Variants in CAPN8 observed in about 807,000 individuals in gnomAD.
The protein encoded by CAPN8 is calpain 8.
CAPN8 carries 87 observed loss-of-function variants against 80.9 expected under a neutral mutation model. The observed-to-expected ratio is 1.07, with a 90% CI of 0.90 to 1.28. CAPN8 has a LOEUF of 1.28. CAPN8 is among the 50% of genes most tolerant of loss of function. CAPN8 has a pLI of 0.00. For synonymous variants in CAPN8, 299 were observed against 273.8 expected, an observed-to-expected ratio of 1.09 and a Z score of -0.91; for missense variants, 757 against 702.0, an observed-to-expected ratio of 1.08 and a Z score of -0.89.
intron 2 of CAPN8, among the ~76,000 whole-genome samples, chr1:223,631,030 C>T (rs1225245461): frequency 1.3e-5 from 2 of 152,204 alleles, no homozygotes; most frequent in East Asian, 3.8e-4. Flanking sequence ...CAACACCCTT[C>T]ACAATATGAC....
intron 1 of CAPN8, among the ~76,000 whole-genome samples, chr1:223,662,071 G>C (rs1658660746): frequency 6.6e-6 from 1 of 152,140 alleles, no homozygotes; most frequent in Admixed American, 6.5e-5. Context: ...GTCACAAAAG[G>C]ACAAATACTG....
intron 9 of CAPN8, 107 bp from the exon 10 acceptor site, chr1:223,616,252 C>A (rs889141325): frequency 9.5e-6 from 12 of 1,257,122 alleles, no homozygotes; most frequent in African/African-American, 9.1e-5. Flanking sequence ...TGCACAGCTC[C>A]ATCCAAACTG....
intron 19 of CAPN8, among the ~76,000 whole-genome samples, chr1:223,543,379 C>T (rs114959357): frequency 0.017 from 2,616 of 152,152 alleles, 60 homozygotes; most frequent in African/African-American, 0.059. Context: ...GCCCCCCTGC[C>T]GAAACAGACA....
chr1:223,614,340 C>A (rs1259665149), intron 10 of CAPN8, among the ~76,000 whole-genome samples: 1 of 150,288 alleles, frequency 6.7e-6, no homozygotes, highest in African/African-American at 2.5e-5. Context: ...ACGGAGGTTG[C>A]AGTGAGCCGA....
At chr1:223,618,922 G>T (rs969119157) in intron 9 of CAPN8, among the ~76,000 whole-genome samples, 16 of 152,340 alleles carry the variant, frequency 1.1e-4, no homozygotes, top group Middle Eastern at 3.4e-3. Context: ...GGGCACGGTG[G>T]CTCACAACTG....
At chr1:223,642,746 C>T in intron 2 of CAPN8, 1 of 449,360 alleles carries the variant, frequency 2.2e-6, no homozygotes, top group Non-Finnish European at 4.4e-6. Context: ...GCAAACTCTT[C>T]ACAGCTGAAG....
In CAPN8 at chr1:223,622,811, C is replaced by T. The variant is rs1170619086; in HGVS notation, c.899+4G>A. ...GACTGGAGAAGCGGGGGAAAAAAAC[C>T]TACTCATCGCTCCAGGCTCCCGACC... On this transcript the variant is annotated splice_donor_region_variant and intron_variant, in intron 7 of 20. Coordinates refer to ENST00000366872, the MANE Select transcript of CAPN8 (RefSeq NM_001143962.2). 4 of 1,551,282 alleles carry T rather than the reference C, an allele frequency of 2.6e-6. No homozygotes were observed. The South Asian group carries it at 4.8e-5, about 18-fold the overall frequency.
intron 16 of CAPN8, among the ~76,000 whole-genome samples, chr1:223,547,170 C>A (rs923235742): frequency 2.0e-5 from 3 of 152,142 alleles, no homozygotes; most frequent in African/African-American, 7.2e-5. Flanking sequence ...CCAGTGCCAC[C>A]CAAAGTGCTG....
At chr1:223,656,679 TTG>T (rs61587922) in intron 1 of CAPN8, among the ~76,000 whole-genome samples, 38,236 of 103,744 alleles carry the variant, frequency 0.37, 7,135 homozygotes, top group East Asian at 0.57. Context: ...TTTTTTTGTT[TTG>T]TTTTTTTTTT....
intron 2 of CAPN8, among the ~76,000 whole-genome samples, chr1:223,635,490 G>C (rs1240119340): frequency 6.6e-6 from 1 of 152,228 alleles, no homozygotes; most frequent in Non-Finnish European, 1.5e-5. Context: ...GCTAGACTTG[G>C]AAGCTGCCTG....
intron 2 of CAPN8, among the ~76,000 whole-genome samples, chr1:223,635,328 A>AAC (rs1292636076): frequency 1.3e-5 from 2 of 151,894 alleles, no homozygotes; most frequent in African/African-American, 2.4e-5. Context: ...ACTACCTTAA[A>AAC]ACACACACAC....
chr1:223,658,263 C>T (rs2102739095), intron 1 of CAPN8, among the ~76,000 whole-genome samples: 1 of 152,268 alleles, frequency 6.6e-6, no homozygotes. Flanking sequence ...TCTAATAGGC[C>T]TCCCAAGTTC....
intron 13 of CAPN8, among the ~76,000 whole-genome samples, chr1:223,556,049 C>T (rs1192807395): frequency 6.6e-6 from 1 of 152,164 alleles, no homozygotes; most frequent in Non-Finnish European, 1.5e-5. Flanking sequence ...TCTTGTTATT[C>T]ATTATATCAC....
intron 12 of CAPN8, among the ~76,000 whole-genome samples, chr1:223,558,428 C>T (rs1264576836): frequency 6.6e-6 from 1 of 152,212 alleles, no homozygotes; most frequent in Non-Finnish European, 1.5e-5. Flanking sequence ...CTAGAATGTT[C>T]ACCCTGATGG....
At chr1:223,652,741 T>C (rs1279391114) in intron 2 of CAPN8, among the ~76,000 whole-genome samples, 8 of 152,088 alleles carry the variant, frequency 5.3e-5, no homozygotes, top group Non-Finnish European at 1.2e-4. Context: ...CCCCAGCCCC[T>C]TTCCGCTCTG....
At chr1:223,611,087 T>C (rs1007221465) in intron 11 of CAPN8, among the ~76,000 whole-genome samples, 11 of 152,346 alleles carry the variant, frequency 7.2e-5, no homozygotes, top group Non-Finnish European at 1.5e-4. Flanking sequence ...GAGGTGCTGC[T>C]GGAGAAAGCT....
At chr1:223,652,964 A>C (rs1658381068) in intron 2 of CAPN8, among the ~76,000 whole-genome samples, 1 of 151,968 alleles carries the variant, frequency 6.6e-6, no homozygotes, top group Non-Finnish European at 1.5e-5. Flanking sequence ...AAAACTATTC[A>C]AAGAAAAATC....
chr1:223,615,149 T>C (rs1372396097), intron 10 of CAPN8, among the ~76,000 whole-genome samples: 1 of 152,224 alleles, frequency 6.6e-6, no homozygotes, highest in Non-Finnish European at 1.5e-5. Flanking sequence ...CATACATTAA[T>C]TTATACTGAG....
In CAPN8 at chr1:223,616,067, G is replaced by A. The variant is rs1055758064; in HGVS notation, c.1214C>T (p.Pro405Leu). The change falls in exon 10 of 21, where the codon CCC becomes CTC. Residue 405 changes from proline (P) to leucine (L), a missense_variant. Transcript: ENST00000366872. The part of the protein sequence containing the change: ...DEDQEESIGE[P>L]CCTVLLGLMQ... ...CAGGCCCAGCAGCACTGTACAGCAG[G>A]GTTCACCGATGCTCTCCTCCTGGTC... 2.6e-6 allele frequency: 4 copies of A among 1,552,064 alleles called. No homozygotes were observed. The African/African-American group carries it at 4.1e-5, about 16-fold the overall frequency.
Sources: allele counts gnomAD v4.1 joint callset (sites outside exome capture counted in the v4.1 genomes callset), GRCh38; gene constraint gnomAD v4.1.1; transcripts MANE v1.5; gene names NCBI Gene and HGNC (gene_info 2026-07-23, HGNC 2026-07-21).